The following POU2F3 variants were observed in gnomAD, a reference collection of about 807,000 sequenced individuals.
POU2F3 encodes POU domain, class 2, transcription factor 3.
POU2F3 carries 23 observed loss-of-function variants against 59.2 expected under a neutral mutation model. The observed-to-expected ratio is 0.39, with a 90% CI of 0.28 to 0.55. The LOEUF (loss-of-function observed/expected upper bound fraction) is 0.55. Among genes scored for constraint, POU2F3 ranks in the 20% least tolerant of loss-of-function variants. The pLI is 0.66. For synonymous variants in POU2F3, 190 were observed against 214.6 expected (o/e 0.89, Z 1.00); for missense variants, 473 against 544.5 (o/e 0.87, Z 1.31).
intron 5 of POU2F3, among the ~76,000 whole-genome samples, chr11:120,300,625 G>A (rs550897288): frequency 3.2e-4 from 48 of 152,114 alleles, no homozygotes; most frequent in Non-Finnish European, 5.6e-4. Context: ...TTTGCCGGGT[G>A]TGGTGGTGCA....
chr11:120,299,207 T>C lies in POU2F3; in HGVS notation c.259-417T>C, dbSNP rs113746053. Among the ~76,000 whole-genome samples the C allele has an allele frequency of 6.1e-3, 927 of 152,310 alleles. 6 individuals carry two copies. Among genetic ancestry groups the C allele is most frequent in the African/African-American group, 0.021 (888 of 41,568 alleles). On this transcript the variant is annotated intron_variant, in intron 4 of 12. Coordinates refer to ENST00000543440, the MANE Select transcript of POU2F3 (RefSeq NM_014352.4). ...TCTGGCCCAGGAAACAGCCGAGGCA[T>C]GGCTTTTAGCATAACCAGGTGGCAT... is the stretch of plus-strand genomic sequence containing the variant.
At chr11:120,274,124 G>GAAGGAAGA (rs1940220353) in intron 3 of POU2F3, among the ~76,000 whole-genome samples, 1 of 121,782 alleles carries the variant, frequency 8.2e-6, no homozygotes, top group African/African-American at 3.1e-5. Flanking sequence ...AGGAAGGAAG[G>GAAGGAAGA]AAGGAAGGAA....
chr11:120,268,497 T>G (rs1939931306), intron 2 of POU2F3, among the ~76,000 whole-genome samples: 1 of 152,116 alleles, frequency 6.6e-6, no homozygotes, highest in Non-Finnish European at 1.5e-5. Flanking sequence ...TGTGCCATTA[T>G]GCCTGGCTAA....
intron 3 of POU2F3, among the ~76,000 whole-genome samples, chr11:120,277,304 TA>T (rs1940374392): frequency 6.6e-6 from 1 of 150,708 alleles, no homozygotes; most frequent in African/African-American, 2.4e-5. Context: ...AAATAAAAAA[TA>T]AAAAAATTTT....
chr11:120,302,069 A>G (rs915968205), intron 5 of POU2F3: 15 of 537,050 alleles, frequency 2.8e-5, no homozygotes, highest in Admixed American at 1.0e-4. Context: ...TGCTGTTTAC[A>G]TGTCTGTTTA....
intron 10 of POU2F3, among the ~76,000 whole-genome samples, chr11:120,311,866 G>A (rs1384734063): frequency 6.6e-6 from 1 of 152,160 alleles, no homozygotes; most frequent in East Asian, 1.9e-4. Context: ...GGCAAAGGAA[G>A]AGTATCAGGA....
Position 120,288,128 on chromosome 11 carries a change from C to CAAAAAAAAAAAAAAAAAAAAAACAAA in POU2F3, c.133-10117_133-10116insAACAAAAAAAAAAAAAAAAAAAAAAA. 9.5e-5 allele frequency among the ~76,000 whole-genome samples: 6 copies of CAAAAAAAAAAAAAAAAAAAAAACAAA among 63,326 alleles called. 1 individual carries two copies. The highest frequency in any genetic ancestry group is 1.4e-4 in the African/African-American group (2 of 14,446). 41.5% of individuals were successfully genotyped at this position (63,326 alleles called of 152,430 possible). A position where few individuals can be genotyped will look rare whatever the true frequency, so the allele number is the denominator to read the frequency against. On this transcript the variant is annotated intron_variant, in intron 3 of 12. Coordinates refer to ENST00000543440, the MANE Select transcript of POU2F3 (RefSeq NM_014352.4). Reference sequence around the variant, plus strand: ...AAAGAAAGAAAACAAACAAAAAAACCAAAAAAAAAAAAAAAAAAAACAAGA... The same window carrying CAAAAAAAAAAAAAAAAAAAAAACAAA: ...AAAGAAAGAAAACAAACAAAAAAACCAAAAAAAAAAAAAAAAAAAAAACAAAAAAAAAAAAAAAAAAAAAAACAAGA...
chr11:120,236,920 C>A (rs1374849088), upstream of POU2F3, among the ~76,000 whole-genome samples: 1 of 152,152 alleles, frequency 6.6e-6, no homozygotes, highest in Admixed American at 6.5e-5. Context: ...TATGTTTGTT[C>A]TGTTTTCTGG....
chr11:120,245,531 G>A (rs528880428), intron 1 of POU2F3, among the ~76,000 whole-genome samples: 32 of 152,276 alleles, frequency 2.1e-4, no homozygotes, highest in African/African-American at 6.0e-4. Flanking sequence ...CTGTCTTTAA[G>A]GCTTCAGTCT....
chr11:120,258,323 G>A (rs986660657), intron 2 of POU2F3, among the ~76,000 whole-genome samples: 3 of 152,118 alleles, frequency 2.0e-5, no homozygotes, highest in African/African-American at 4.8e-5. Context: ...GGGTAAGGCT[G>A]GAGCGGTGCT....
chr11:120,304,896 C>T, intron 6 of POU2F3, 134 bp from the exon 7 acceptor site: 2 of 663,468 alleles, frequency 3.0e-6, no homozygotes, highest in Non-Finnish European at 4.7e-6. Context: ...TCCAATGTAC[C>T]CAGGGTGTAT....
In POU2F3 at chr11:120,274,188, G is replaced by A. The variant is rs139068063; in HGVS notation, c.132+4944G>A. Among the ~76,000 whole-genome samples, 228 of 152,074 alleles carry A rather than the reference G, an allele frequency of 1.5e-3. 1 individual carries two copies. Among genetic ancestry groups the A allele is most frequent in the African/African-American group, 5.2e-3 (217 of 41,518 alleles). ...ACACAAACATAGAGCCTGGCTGCCT[G>A]GCTGTGAATCCTAGCTCCAGCACTA... is the stretch of plus-strand genomic sequence containing the variant. On this transcript the variant is annotated intron_variant, in intron 3 of 12. Coordinates refer to ENST00000543440, the MANE Select transcript of POU2F3 (RefSeq NM_014352.4).
intron 3 of POU2F3, among the ~76,000 whole-genome samples, chr11:120,272,944 G>C (rs549472760): frequency 1.4e-3 from 210 of 152,276 alleles, no homozygotes; most frequent in African/African-American, 4.9e-3. Context: ...GAAAAGCTTG[G>C]CTGAGATGCT....
intron 2 of POU2F3, among the ~76,000 whole-genome samples, chr11:120,268,898 G>A (rs954325120): frequency 1.3e-5 from 2 of 152,156 alleles, no homozygotes; most frequent in African/African-American, 2.4e-5. Context: ...GGGCATAGAA[G>A]CATGCGGTGG....
At chr11:120,309,117 A>G (rs1291311656) in intron 9 of POU2F3, among the ~76,000 whole-genome samples, 1 of 152,126 alleles carries the variant, frequency 6.6e-6, no homozygotes, top group Non-Finnish European at 1.5e-5. Context: ...GACAGCCTAC[A>G]TCTATGGAGA....
intron 3 of POU2F3, among the ~76,000 whole-genome samples, chr11:120,297,390 G>C (rs1054453698): frequency 6.6e-6 from 1 of 152,246 alleles, no homozygotes; most frequent in African/African-American, 2.4e-5. Flanking sequence ...CCCTCAGGCT[G>C]TAACTACAGC....
chr11:120,318,515 AC>A lies in POU2F3; in HGVS notation c.*126del. ...GGAAGAAAATCTCCACTATCAATGA[AC>A]CCAGACTCTTGTCTTCTTCAAGAGC... On this transcript the variant is annotated 3_prime_UTR_variant, in exon 13 of 13. Transcript: ENST00000543440. 1.0e-6 allele frequency: 1 copy of A among 1,000,936 alleles called. No homozygotes were observed. The highest frequency in any genetic ancestry group is 1.5e-6 in the Non-Finnish European group (1 of 647,818). 62.0% of individuals were successfully genotyped at this position (1,000,936 alleles called of 1,614,324 possible). A position where few individuals can be genotyped will look rare whatever the true frequency, so the allele number is the denominator to read the frequency against.
chr11:120,240,071 C>T, upstream of POU2F3: 12 of 1,105,612 alleles, frequency 1.1e-5, no homozygotes, highest in Non-Finnish European at 1.3e-5. Context: ...GGGCCTGGGG[C>T]CAGGCGCGGG....
chr11:120,240,072 C>G, upstream of POU2F3: 1 of 1,110,194 alleles, frequency 9.0e-7, no homozygotes, highest in Non-Finnish European at 1.1e-6. Flanking sequence ...GGCCTGGGGC[C>G]AGGCGCGGGG....
Sources: allele counts gnomAD v4.1 joint callset (sites outside exome capture counted in the v4.1 genomes callset), GRCh38; gene constraint gnomAD v4.1.1; transcripts MANE v1.5; gene names NCBI Gene and HGNC (gene_info 2026-07-23, HGNC 2026-07-21).